PRR5L: variants seen among roughly 807,000 people sequenced by gnomAD.
PRR5L encodes the protein proline-rich protein 5-like.
In PRR5L, 21 loss-of-function variants were observed where a neutral mutation model predicts 36.4. The ratio of observed to expected loss-of-function variants is 0.58; its 90% confidence interval spans 0.41 to 0.83. The LOEUF (loss-of-function observed/expected upper bound fraction) is 0.83. PRR5L is among the 40% of genes least tolerant of loss of function. The probability of loss-of-function intolerance (pLI) is 0.00; values close to 1 mark genes in which losing one functional copy is unlikely to be tolerated. For synonymous variants in PRR5L, 188 were observed against 197.0 expected, an observed-to-expected ratio of 0.95 and a Z score of 0.38; for missense variants, 381 against 473.3, an observed-to-expected ratio of 0.80 and a Z score of 1.81.
intron 8 of PRR5L, among the ~76,000 whole-genome samples, chr11:36,454,970 C>G (rs1306006568): frequency 1.3e-5 from 2 of 152,216 alleles, no homozygotes; most frequent in African/African-American, 4.8e-5. Context: ...CAGAGGCTGG[C>G]CTTTGCCCCA....
chr11:36,439,898 G>C (rs1009654937), intron 6 of PRR5L, among the ~76,000 whole-genome samples: 3 of 152,156 alleles, frequency 2.0e-5, no homozygotes, highest in Non-Finnish European at 4.4e-5. Context: ...CGTAGGTTGT[G>C]AGGAGACAGG....
chr11:36,427,395 G>A (rs1439011143), intron 4 of PRR5L, among the ~76,000 whole-genome samples: 1 of 152,058 alleles, frequency 6.6e-6, no homozygotes, highest in Non-Finnish European at 1.5e-5. Context: ...TGCCTGGGGA[G>A]GTGGTGGGGT....
chr11:36,350,988 T>TTATATATTTA lies in PRR5L; in HGVS notation c.-125-49994_-125-49985dup, dbSNP rs1245821366. ...TATATATTTATATATATTTATATAT[T>TTATATATTTA]TATATATTTATATATATTTATATAG... On this transcript the variant is annotated intron_variant, in intron 1 of 8. Coordinates refer to ENST00000530639, the MANE Select transcript of PRR5L (RefSeq NM_001160167.2). Among the ~76,000 whole-genome samples the TTATATATTTA allele has an allele frequency of 6.6e-5, 5 of 76,302 alleles. 1 individual carries two copies. Among genetic ancestry groups the TTATATATTTA allele is most frequent in the Non-Finnish European group, 1.2e-4 (5 of 41,352 alleles). The allele number at this position is 76,302 out of a possible 152,430, so 50.1% of individuals were successfully genotyped here.
chr11:36,340,304 A>C (rs1186898374), intron 1 of PRR5L, among the ~76,000 whole-genome samples: 1 of 152,238 alleles, frequency 6.6e-6, no homozygotes, highest in Non-Finnish European at 1.5e-5. Flanking sequence ...CTGTATGCCC[A>C]TGGGCTCAGG....
At position 36,423,352 on chromosome 11, in the gene PRR5L, T is replaced by C. The variant is rs565674586; in HGVS notation, c.294+4049T>C. Among the ~76,000 whole-genome samples the C allele has an allele frequency of 1.5e-4, 23 of 152,306 alleles. No homozygotes were observed. The East Asian group carries it at 3.9e-3, about 26-fold the overall frequency. On this transcript the variant is annotated intron_variant, in intron 4 of 8. Transcript: ENST00000530639. ...AGTTTCCCCTAGAGTTTACAGCATATGGCAGAGAGCTGAAGGAGTGTAGCG... is the reference window on the plus strand; with the variant it reads ...AGTTTCCCCTAGAGTTTACAGCATACGGCAGAGAGCTGAAGGAGTGTAGCG...
intron 1 of PRR5L, among the ~76,000 whole-genome samples, chr11:36,335,070 A>G (rs1856755300): frequency 6.6e-6 from 1 of 151,818 alleles, no homozygotes; most frequent in Non-Finnish European, 1.5e-5. Flanking sequence ...TTAAGTCTCC[A>G]TCTATGTTTT....
intron 1 of PRR5L, among the ~76,000 whole-genome samples, chr11:36,368,679 A>G (rs752706344): frequency 2.6e-5 from 4 of 152,376 alleles, no homozygotes; most frequent in African/African-American, 7.2e-5. Context: ...TGCAGAAGTC[A>G]GTAGAAGAAT....
At chr11:36,339,205 C>A (rs1217300447) in intron 1 of PRR5L, among the ~76,000 whole-genome samples, 1 of 152,144 alleles carries the variant, frequency 6.6e-6, no homozygotes, top group East Asian at 1.9e-4. Context: ...GCAATTCTCC[C>A]ACCTCAGCCT....
At chr11:36,400,896 A>C in intron 1 of PRR5L, 101 bp from the exon 2 acceptor site, 1 of 896,912 alleles carries the variant, frequency 1.1e-6, no homozygotes, top group Non-Finnish European at 1.6e-6. Context: ...TGGGTCCCGC[A>C]GTTGTTTTCG....
At chr11:36,305,619 ATT>A (rs1856422265) in intron 1 of PRR5L, among the ~76,000 whole-genome samples, 1 of 152,174 alleles carries the variant, frequency 6.6e-6, no homozygotes, top group Non-Finnish European at 1.5e-5. Context: ...TTTGGAAGTG[ATT>A]AGGTCATAAG....
intron 1 of PRR5L, among the ~76,000 whole-genome samples, chr11:36,392,658 G>A (rs892498179): frequency 6.6e-6 from 1 of 152,134 alleles, no homozygotes; most frequent in African/African-American, 2.4e-5. Context: ...TCACAGTTCC[G>A]CATGGCTAGG....
chr11:36,444,699 T>C (rs763492168), intron 6 of PRR5L, among the ~76,000 whole-genome samples: 2 of 152,234 alleles, frequency 1.3e-5, no homozygotes, highest in African/African-American at 2.4e-5. Context: ...CCAGAATTGC[T>C]GTTCTAGTTT....
At chr11:36,441,701 G>A (rs1858726021) in intron 6 of PRR5L, among the ~76,000 whole-genome samples, 1 of 152,196 alleles carries the variant, frequency 6.6e-6, no homozygotes, top group Non-Finnish European at 1.5e-5. Flanking sequence ...CCCTGGTAGA[G>A]TCTCTTTGTG....
intron 1 of PRR5L, among the ~76,000 whole-genome samples, chr11:36,308,979 A>G (rs1297701545): frequency 1.3e-5 from 2 of 152,174 alleles, no homozygotes; most frequent in Non-Finnish European, 2.9e-5. Context: ...AGAAAGGCTT[A>G]TTTTCCTCAG....
chr11:36,434,657 A>T (rs778661373), intron 5 of PRR5L, among the ~76,000 whole-genome samples: 11 of 152,170 alleles, frequency 7.2e-5, no homozygotes, highest in Non-Finnish European at 1.3e-4. Flanking sequence ...TAGAGGGCAG[A>T]TTTATAGGAC....
intron 1 of PRR5L, among the ~76,000 whole-genome samples, chr11:36,337,717 T>C (rs901419379): frequency 4.6e-5 from 7 of 152,180 alleles, no homozygotes; most frequent in African/African-American, 1.7e-4. Flanking sequence ...ACACCACATA[T>C]TCATCTTACA....
chr11:36,363,735 G>T (rs1005172761), intron 1 of PRR5L, among the ~76,000 whole-genome samples: 1 of 152,162 alleles, frequency 6.6e-6, no homozygotes, highest in Non-Finnish European at 1.5e-5. Context: ...CCTGACACTG[G>T]CAAGGCACTT....
chr11:36,377,298 G>T lies in PRR5L; in HGVS notation c.-125-23699G>T, dbSNP rs550530881. The stretch of plus-strand genomic sequence containing the variant: ...CCAGGGCCCAGCCAGTGGGGATCCC[G>T]CCGGGACGGGCTGTGAGCAAGCCCT... On this transcript the variant is annotated intron_variant, in intron 1 of 8. Transcript: ENST00000530639. This position sits in a 1 kb window ranked among gnomAD's most constrained non-coding sequence, Gnocchi z 5.1. Among the ~76,000 whole-genome samples, 2 of 152,204 alleles carry T rather than the reference G, an allele frequency of 1.3e-5. No individual in the cohort carries two copies. The highest frequency in any genetic ancestry group is 2.9e-5 in the Non-Finnish European group (2 of 68,036).
At position 36,451,331 on chromosome 11, in the gene PRR5L, G is replaced by T; in HGVS notation, c.708G>T (p.Thr236=). Reference sequence around the variant, plus strand: ...GTAGCTTCTCAGGCCCCACGTACACGCTGGGTAAGGAGTGCAGCTCTCAAG... The same window carrying T: ...GTAGCTTCTCAGGCCCCACGTACACTCTGGGTAAGGAGTGCAGCTCTCAAG... ...GDRSFSGPTY[T]LARRHSRVRP... The change falls in exon 8 of 9, where the codon ACG becomes ACT. Residue 236 remains threonine (T), a synonymous_variant. Coordinates refer to ENST00000530639, the MANE Select transcript of PRR5L (RefSeq NM_001160167.2). 1 of 1,613,990 alleles carries T rather than the reference G, an allele frequency of 6.2e-7. No individual in the cohort carries two copies. The highest frequency in any genetic ancestry group is 2.2e-5 in the East Asian group (1 of 44,872).
Sources: gnomAD v4.1 joint callset for allele counts (sites outside exome capture counted in the v4.1 genomes callset) on GRCh38, gnomAD v4.1.1 for gene constraint, Gnocchi (gnomAD v3.1) non-coding constraint, MANE v1.5 for transcripts, NCBI Gene and HGNC (gene_info 2026-07-23, HGNC 2026-07-21) for gene names.